Variants in WNT2B observed in about 807,000 individuals in gnomAD.
WNT2B encodes the protein protein Wnt-2b.
Under a neutral mutation model 40.5 loss-of-function variants are expected in WNT2B, and 19 were observed. The ratio of observed to expected loss-of-function variants is 0.47; its 90% CI spans 0.33 to 0.69. The LOEUF is 0.69. WNT2B is among the 30% of genes least tolerant of loss of function. The probability of loss-of-function intolerance (pLI) is 0.02; values close to 1 mark genes in which losing one functional copy is unlikely to be tolerated. For missense variants in WNT2B, 467 were observed against 556.4 expected, an observed-to-expected ratio of 0.84 and a Z score of 1.62; for synonymous variants, 220 against 211.9, an observed-to-expected ratio of 1.04 and a Z score of -0.33.
intron 1 of WNT2B, among the ~76,000 whole-genome samples, chr1:112,467,885 A>G (rs1168252901): frequency 3.3e-5 from 5 of 152,216 alleles, no homozygotes; most frequent in Non-Finnish European, 2.9e-5. Context: ...CTATTCTGCT[A>G]TCAAACATTA....
chr1:112,512,547 G>A (rs764014515), intron 1 of WNT2B, among the ~76,000 whole-genome samples: 2 of 152,194 alleles, frequency 1.3e-5, no homozygotes, highest in Admixed American at 6.5e-5. Flanking sequence ...ATGTGAATTG[G>A]CCAAAAGCAG....
rs1291722958 is a variant in WNT2B, at chr1:112,521,246, T to C, written c.*737T>C. Reference sequence around the variant, plus strand: ...AGTGGTTCCCATGCTTAACAAATCATTAAAACACCCTAGAACACTCCTAGG... The same window carrying C: ...AGTGGTTCCCATGCTTAACAAATCACTAAAACACCCTAGAACACTCCTAGG... On this transcript the variant is annotated 3_prime_UTR_variant, in exon 5 of 5. Coordinates refer to ENST00000369684, the MANE Select transcript of WNT2B (RefSeq NM_024494.3). 6.6e-6 allele frequency: 1 copy of C among 152,142 alleles called. No homozygotes were observed. Among genetic ancestry groups the C allele is most frequent in the Non-Finnish European group, 1.5e-5 (1 of 68,132 alleles). The allele number at this position is 152,142 out of a possible 1,614,324, so 9.4% of individuals were successfully genotyped here.
In WNT2B at chr1:112,515,236, T is replaced by C. The variant is rs745883551; in HGVS notation, c.403+142T>C. 193 of 1,037,252 alleles carry C rather than the reference T, an allele frequency of 1.9e-4. No homozygotes were observed. Among genetic ancestry groups the C allele is most frequent in the Non-Finnish European group, 2.6e-4 (183 of 717,560 alleles). The allele number at this position is 1,037,252 out of a possible 1,614,324, so 64.3% of individuals were successfully genotyped here. On this transcript the variant is annotated intron_variant, in intron 2 of 4. Coordinates refer to ENST00000369684, the MANE Select transcript of WNT2B (RefSeq NM_024494.3). This position sits in a 1 kb window ranked among gnomAD's most constrained non-coding sequence, Gnocchi z 4.4. ...AAAGAACTGTGGGCAGAGCCCAGGA[T>C]ATAATTGGGAACAGACTCTTAGCAT... is the stretch of plus-strand genomic sequence containing the variant.
At position 112,515,465 on chromosome 1, in the gene WNT2B, C is replaced by T. The variant is rs1291305423; in HGVS notation, c.403+371C>T. Among the ~76,000 whole-genome samples the T allele has an allele frequency of 6.6e-6, 1 of 150,916 alleles. No homozygotes were observed. The highest frequency in any genetic ancestry group is 2.5e-5 in the African/African-American group (1 of 40,204). On this transcript the variant is annotated intron_variant, in intron 2 of 4. Coordinates refer to ENST00000369684, the MANE Select transcript of WNT2B (RefSeq NM_024494.3). This position sits in a 1 kb window ranked among gnomAD's most constrained non-coding sequence, Gnocchi z 4.4. ...ACCACCATCACTATCGTCACCCCAACACTCCCAACACTACAGTAATGGGAA... is the reference window on the plus strand; with the variant it reads ...ACCACCATCACTATCGTCACCCCAATACTCCCAACACTACAGTAATGGGAA...
At chr1:112,473,297 G>A (rs1220162934) in intron 1 of WNT2B, among the ~76,000 whole-genome samples, 3 of 152,002 alleles carry the variant, frequency 2.0e-5, no homozygotes, top group Non-Finnish European at 4.4e-5. Flanking sequence ...CACAATGACA[G>A]AAATAGCAGA....
intron 1 of WNT2B, among the ~76,000 whole-genome samples, chr1:112,481,976 A>T (rs1425959256): frequency 6.6e-6 from 1 of 152,036 alleles, no homozygotes; most frequent in Admixed American, 6.6e-5. Flanking sequence ...GTGAAACCCC[A>T]TCTCTACTAA....
At chr1:112,495,380 T>A (rs532769858) in intron 1 of WNT2B, among the ~76,000 whole-genome samples, 1 of 151,682 alleles carries the variant, frequency 6.6e-6, no homozygotes, top group South Asian at 2.1e-4. Flanking sequence ...ATCGAGACCA[T>A]CCTGGCTAAC....
intron 1 of WNT2B, among the ~76,000 whole-genome samples, chr1:112,469,347 AT>A (rs1650801680): frequency 6.6e-6 from 1 of 151,890 alleles, no homozygotes; most frequent in African/African-American, 2.4e-5. Context: ...AAATTTTAGT[AT>A]TTTTTTTCTA....
At chr1:112,484,205 T>TCA (rs1286161036) in intron 1 of WNT2B, among the ~76,000 whole-genome samples, 1 of 119,748 alleles carries the variant, frequency 8.4e-6, no homozygotes, top group Non-Finnish European at 1.6e-5. Context: ...TCCAAAAATT[T>TCA]TATATATATA....
chr1:112,516,102 C>G (rs371465619), intron 2 of WNT2B, 38 bp from the exon 3 acceptor site: 11 of 1,582,168 alleles, frequency 7.0e-6, no homozygotes, highest in Non-Finnish European at 7.8e-6. Context: ...AGACATGGGC[C>G]TCTTTCCTGA....
intron 1 of WNT2B, among the ~76,000 whole-genome samples, chr1:112,470,240 C>T (rs1570757590): frequency 6.6e-6 from 1 of 152,224 alleles, no homozygotes; most frequent in East Asian, 1.9e-4. Context: ...AGGATAATTT[C>T]ACCAGATATA....
At position 112,520,264 on chromosome 1, in the gene WNT2B, C is replaced by T. The variant is rs565249597; in HGVS notation, c.947-16C>T. 1.9e-6 allele frequency: 3 copies of T among 1,610,684 alleles called. No homozygotes were observed. Among genetic ancestry groups the T allele is most frequent in the Non-Finnish European group, 2.5e-6 (3 of 1,178,122 alleles). The stretch of plus-strand genomic sequence containing the variant: ...AGAGATAACTTTGTTCTCACTCCCT[C>T]TCTTCCCCAACCCAGGTTCCCTAGG... On this transcript the variant is annotated splice_polypyrimidine_tract_variant and intron_variant, in intron 4 of 4. Transcript: ENST00000369684.
At chr1:112,491,003 C>T (rs770796349) in intron 1 of WNT2B, 2 of 1,613,918 alleles carry the variant, frequency 1.2e-6, no homozygotes, top group South Asian at 1.1e-5. Flanking sequence ...GTTTTCTTTT[C>T]CGACCAGACT....
At chr1:112,504,666 C>G (rs906900585), upstream of WNT2B, among the ~76,000 whole-genome samples, 1 of 152,096 alleles carries the variant, frequency 6.6e-6, no homozygotes, top group African/African-American at 2.4e-5. Flanking sequence ...TGAACCTGGC[C>G]CTATTTCAAA....
At chr1:112,503,027 C>T (rs1341091750) in intron 1 of WNT2B, among the ~76,000 whole-genome samples, 1 of 152,132 alleles carries the variant, frequency 6.6e-6, no homozygotes, top group African/African-American at 2.4e-5. Flanking sequence ...CCCTGCCTGG[C>T]AGAGGCCCCA....
intron 1 of WNT2B, among the ~76,000 whole-genome samples, chr1:112,487,752 G>A (rs1260256271): frequency 6.6e-6 from 1 of 151,876 alleles, no homozygotes; most frequent in East Asian, 1.9e-4. Flanking sequence ...GGCCAACATG[G>A]TGAAACCCTG....
chr1:112,490,552 G>A (rs563443226), intron 1 of WNT2B, among the ~76,000 whole-genome samples: 2,621 of 150,842 alleles, frequency 0.017, 84 homozygotes, highest in African/African-American at 0.06. Flanking sequence ...TGCAGAGGCA[G>A]GATCTCAGCT....
intron 1 of WNT2B, among the ~76,000 whole-genome samples, chr1:112,479,611 A>G (rs1353572587): frequency 6.6e-6 from 1 of 152,168 alleles, no homozygotes; most frequent in African/African-American, 2.4e-5. Flanking sequence ...ACAGTATAAA[A>G]ACAAGCCAGC....
intron 1 of WNT2B, among the ~76,000 whole-genome samples, chr1:112,489,551 G>A (rs1485322547): frequency 6.6e-6 from 1 of 152,118 alleles, no homozygotes; most frequent in Non-Finnish European, 1.5e-5. Context: ...GTGACAGAGG[G>A]AGACTCTGTC....
Sources: allele counts gnomAD v4.1 joint callset (sites outside exome capture counted in the v4.1 genomes callset), GRCh38; gene constraint gnomAD v4.1.1; non-coding constraint Gnocchi (gnomAD v3.1); transcripts MANE v1.5; gene names NCBI Gene and HGNC (gene_info 2026-07-23, HGNC 2026-07-21).